PLCG1: variants seen among roughly 807,000 people sequenced by gnomAD.
The protein encoded by PLCG1 is 1-phosphatidylinositol 4,5-bisphosphate phosphodiesterase gamma-1.
Under a neutral mutation model 177.8 loss-of-function variants are expected in PLCG1, and 71 were observed. The observed-to-expected ratio is 0.40, with a 90% confidence interval of 0.33 to 0.49. The LOEUF (loss-of-function observed/expected upper bound fraction) is 0.49, where lower values mean the gene tolerates loss of function less well. Ranked by LOEUF, PLCG1 falls within the 20% of genes least tolerant of loss-of-function variation. The pLI is 0.72. For missense variants in PLCG1, 1,281 were observed against 1,709.0 expected (o/e 0.75, Z 4.42); for synonymous variants, 658 against 647.9 (o/e 1.02, Z -0.24).
intron 6 of PLCG1, 59 bp downstream of exon 6, chr20:41,162,784 A>G: frequency 6.8e-7 from 1 of 1,459,948 alleles, no homozygotes; most frequent in Non-Finnish European, 9.5e-7. Context: ...CCCACACCCC[A>G]GCTCTGCCTG....
rs990235154 is a variant in PLCG1 at position 41,151,334 on chromosome 20, C to G, written c.218-8272C>G. ...ACCATGACAAGACCCTTTGGACCCT[C>G]TGTTTCCTCATTGTTTCAAAGAGAT... On this transcript the variant is annotated intron_variant, in intron 1 of 31. Coordinates refer to ENST00000685551, the MANE Select transcript of PLCG1 (RefSeq NM_002660.3). The surrounding 1 kb of genome is among the most constrained non-coding windows in gnomAD (Gnocchi z 5.5). Among the ~76,000 whole-genome samples the G allele has an allele frequency of 6.6e-6, 1 of 152,194 alleles. No homozygotes were observed. Among genetic ancestry groups the G allele is most frequent in the Non-Finnish European group, 1.5e-5 (1 of 68,038 alleles).
In PLCG1 at chr20:41,167,464, G is replaced by A. The variant is rs891955536; in HGVS notation, c.2302-388G>A. Among the ~76,000 whole-genome samples the A allele has an allele frequency of 9.9e-5, 15 of 152,174 alleles. No homozygotes were observed. Among genetic ancestry groups the A allele is most frequent in the Non-Finnish European group, 1.3e-4 (9 of 68,026 alleles). ...CTCAAGTGATGGAGAGGAGCGGCAG[G>A]AGGAATGTGGGGAGTGGGAAGGCTT... is the stretch of plus-strand genomic sequence containing the variant. On this transcript the variant is annotated intron_variant, in intron 19 of 31. Transcript: ENST00000685551. The surrounding 1 kb of genome is among the most constrained non-coding windows in gnomAD (Gnocchi z 4.4).
At position 41,174,589 on chromosome 20, in the gene PLCG1, C is replaced by A. The variant is rs536267192; in HGVS notation, c.*80C>A. The stretch of plus-strand genomic sequence containing the variant: ...GCGAACTGGGTTCTTTGGAAGCAGC[C>A]CCCTGTGGCGGCCTTCCGGGTCTCG... On this transcript the variant is annotated 3_prime_UTR_variant, in exon 32 of 32. Transcript: ENST00000685551. This position sits in a 1 kb window ranked among gnomAD's most constrained non-coding sequence, Gnocchi z 5.8. 3.9e-5 allele frequency: 52 copies of A among 1,320,938 alleles called. No homozygotes were observed. In the African/African-American group the frequency reaches 7.3e-4, roughly 19 times the overall value. 81.8% of individuals were successfully genotyped at this position (1,320,938 alleles called of 1,614,324 possible).
rs753051723 is a variant in PLCG1 at position 41,162,650 on chromosome 20, G to A, written c.606G>A (p.Glu202=). Residue 202 remains glutamate (E), a synonymous_variant, in exon 6 of 32, where the codon GAG becomes GAA. Transcript: ENST00000685551. ...TGCTCTATACCATGCAGGACCTGGA[G>A]CAGCGCAGCGGGGACATCACCTACG... ...RFLRERLTDL[E]QRSGDITYGQ... 36 of 1,613,862 alleles carry A rather than the reference G, an allele frequency of 2.2e-5. No homozygotes were observed. The highest frequency in any genetic ancestry group is 3.0e-5 in the Non-Finnish European group (35 of 1,179,904).
At chr20:41,143,468 G>A (rs2034895812) in intron 1 of PLCG1, among the ~76,000 whole-genome samples, 1 of 152,214 alleles carries the variant, frequency 6.6e-6, no homozygotes, top group Non-Finnish European at 1.5e-5. Flanking sequence ...GGAGAGATGG[G>A]TGTGGGATAG....
chr20:41,170,694 G>C (rs1418521136), intron 24 of PLCG1: 1 of 167,994 alleles, frequency 6.0e-6, no homozygotes, highest in Non-Finnish European at 1.3e-5. Flanking sequence ...AGGCAGGTCA[G>C]ACAGACTGCA....
chr20:41,137,682 C>T lies in PLCG1; in HGVS notation c.41C>T (p.Pro14Leu), dbSNP rs767209449. The T allele has an allele frequency of 2.5e-4, 335 of 1,321,608 alleles. 2 individuals are homozygous for T. The highest frequency in any genetic ancestry group is 2.5e-3 in the Middle Eastern group (11 of 4,346). 81.9% of individuals were successfully genotyped at this position (1,321,608 alleles called of 1,614,324 possible). The change falls in exon 1 of 32, where the codon CCC (proline) becomes CTC (leucine). Residue 14 changes from proline (P) to leucine (L), a missense_variant. Coordinates refer to ENST00000685551, the MANE Select transcript of PLCG1 (RefSeq NM_002660.3). The surrounding 1 kb of genome is among the most constrained non-coding windows in gnomAD (Gnocchi z 7.3). The part of the protein sequence containing the change: ...AASPCANGCG[P>L]GAPSDAEVLH... ...TCCCCTTGCGCCAACGGCTGCGGGC[C>T]CGGCGCGCCCTCGGACGCCGAGGTG...
In PLCG1 at chr20:41,144,100, C is replaced by A. The variant is rs889163578; in HGVS notation, c.217+6242C>A. 6.6e-6 allele frequency among the ~76,000 whole-genome samples: 1 copy of A among 152,182 alleles called. No individual in the cohort carries two copies. Among genetic ancestry groups the A allele is most frequent in the South Asian group, 2.1e-4 (1 of 4,826 alleles). On this transcript the variant is annotated intron_variant, in intron 1 of 31. Transcript: ENST00000685551. This position sits in a 1 kb window ranked among gnomAD's most constrained non-coding sequence, Gnocchi z 4.1. ...GAATTGGAATAGCATATTGGGAGTTCATGGAACATTTTCTCACCTGTTGTA... is the reference window on the plus strand; with the variant it reads ...GAATTGGAATAGCATATTGGGAGTTAATGGAACATTTTCTCACCTGTTGTA...
chr20:41,172,862 T>C lies in PLCG1; in HGVS notation c.3264T>C (p.Cys1088=). ...DKSSLRGLEP[C]AISIEVLGAR... ...GCAGCCTCCGCGGGCTGGAGCCATG[T>C]GCCATCTCTATTGAGGTGGGTGCTG... Residue 1088 remains cysteine (C), a synonymous_variant, in exon 27 of 32, where the codon TGT becomes TGC. Transcript: ENST00000685551. The surrounding 1 kb of genome is among the most constrained non-coding windows in gnomAD (Gnocchi z 7.0). 6.2e-7 allele frequency: 1 copy of C among 1,614,036 alleles called. No individual in the cohort carries two copies. The highest frequency in any genetic ancestry group is 8.5e-7 in the Non-Finnish European group (1 of 1,179,986).
In PLCG1 at chr20:41,170,157, T is replaced by A; in HGVS notation, c.2696T>A (p.Ile899Asn). ...AACAACCGGCTCTTCGTCTTCTCCA[T>A]CAGCATGGCGTCGGTGGCCCACTGG... ...GKNNRLFVFS[I>N]SMASVAHWSL... The change falls in exon 24 of 32, where the codon ATC (isoleucine) becomes AAC (asparagine). Residue 899 changes from isoleucine (I) to asparagine (N), a missense_variant. Coordinates refer to ENST00000685551, the MANE Select transcript of PLCG1 (RefSeq NM_002660.3). The A allele has an allele frequency of 6.2e-7, 1 of 1,614,052 alleles. No homozygotes were observed.
At chr20:41,143,187 G>A (rs1428140976) in intron 1 of PLCG1, among the ~76,000 whole-genome samples, 2 of 152,216 alleles carry the variant, frequency 1.3e-5, no homozygotes, top group Non-Finnish European at 2.9e-5. Context: ...TCTTGTCTTT[G>A]AGGAAGTGCT....
At chr20:41,161,190 C>T (rs369689047) in intron 4 of PLCG1, among the ~76,000 whole-genome samples, 3 of 152,002 alleles carry the variant, frequency 2.0e-5, no homozygotes, top group African/African-American at 4.8e-5. Context: ...ACAACTAGTG[C>T]GGTAAGAGGA....
In PLCG1 at chr20:41,167,990, A is replaced by T; in HGVS notation, c.2379+61A>T. The T allele has an allele frequency of 8.8e-7, 1 of 1,135,492 alleles. No individual in the cohort carries two copies. The highest frequency in any genetic ancestry group is 1.3e-6 in the Non-Finnish European group (1 of 748,178). The allele number at this position is 1,135,492 out of a possible 1,614,324, so 70.3% of individuals were successfully genotyped here. ...AGGGTCCCCAGCTGCTTGGGGCTTC[A>T]TTTCTGTGTTCTGGGCCATCTGTGG... On this transcript the variant is annotated intron_variant, in intron 20 of 31. Transcript: ENST00000685551. This position sits in a 1 kb window ranked among gnomAD's most constrained non-coding sequence, Gnocchi z 4.4.
In PLCG1 at chr20:41,172,366, C is replaced by T. The variant is rs2035929763; in HGVS notation, c.2906-55C>T. The T allele has an allele frequency of 1.9e-6, 3 of 1,580,192 alleles. No homozygotes were observed. Among genetic ancestry groups the T allele is most frequent in the Non-Finnish European group, 2.6e-6 (3 of 1,149,044 alleles). On this transcript the variant is annotated intron_variant, in intron 25 of 31. Coordinates refer to ENST00000685551, the MANE Select transcript of PLCG1 (RefSeq NM_002660.3). This position sits in a 1 kb window ranked among gnomAD's most constrained non-coding sequence, Gnocchi z 7.0. ...GTGCAAAAAGAGTATTTAGGTATCC[C>T]CCCAACACTTCCTGGGTGGGCGGGC...
chr20:41,163,217 C>T lies in PLCG1; in HGVS notation c.731C>T (p.Pro244Leu), dbSNP rs199669312. The T allele has an allele frequency of 4.3e-5, 66 of 1,545,508 alleles. No homozygotes were observed. The highest frequency in any genetic ancestry group is 3.9e-5 in the Non-Finnish European group (45 of 1,148,102). ...EASTLRAGERPELCRVSLPEF... is the reference protein window; with the variant it reads ...EASTLRAGERLELCRVSLPEF... ...TCTCCCTGCAGGGCTGGGGAGCGGC[C>T]GGAGCTTTGCCGAGTGTCCCTTCCT... The change falls in exon 8 of 32, where the codon CCG becomes CTG. Residue 244 changes from proline (P) to leucine (L), a missense_variant. Physicochemically the swap from Pro to Leu is moderately conservative, Grantham distance 98 (BLOSUM62 -3). Coordinates refer to ENST00000685551, the MANE Select transcript of PLCG1 (RefSeq NM_002660.3). The surrounding 1 kb of genome is among the most constrained non-coding windows in gnomAD (Gnocchi z 5.2).
At chr20:41,170,820 CTT>C (rs2035874427) in intron 24 of PLCG1, 2 of 152,972 alleles carry the variant, frequency 1.3e-5, no homozygotes, top group Admixed American at 6.5e-5. Context: ...CCTTGTGAGA[CTT>C]TTGAGCTGCA....
Position 41,164,835 on chromosome 20 carries a change from C to T in PLCG1, c.1218-98C>T. 1 of 1,197,796 alleles carries T rather than the reference C, an allele frequency of 8.3e-7. No individual in the cohort carries two copies. The highest frequency in any genetic ancestry group is 1.2e-6 in the Non-Finnish European group (1 of 845,492). The allele number at this position is 1,197,796 out of a possible 1,614,324, so 74.2% of individuals were successfully genotyped here. On this transcript the variant is annotated intron_variant, in intron 12 of 31. Coordinates refer to ENST00000685551, the MANE Select transcript of PLCG1 (RefSeq NM_002660.3). This position sits in a 1 kb window ranked among gnomAD's most constrained non-coding sequence, Gnocchi z 6.4. The stretch of plus-strand genomic sequence containing the variant: ...TGGGATAGTTTTTACAGACAAGAAG[C>T]CCCCAGGCCCTTGGCTTCCAACAGC...
intron 1 of PLCG1, among the ~76,000 whole-genome samples, chr20:41,138,749 T>A (rs893734471): frequency 6.6e-6 from 1 of 152,186 alleles, no homozygotes; most frequent in African/African-American, 2.4e-5. Flanking sequence ...CTTTTCGCCT[T>A]CCCAGGCCTG....
At chr20:41,170,576 G>T in intron 24 of PLCG1, 1 of 306,532 alleles carries the variant, frequency 3.3e-6, no homozygotes, top group Non-Finnish European at 6.1e-6. Flanking sequence ...GGAGTGGAGT[G>T]GGGGCTGAGG....
Sources: allele counts gnomAD v4.1 joint callset (sites outside exome capture counted in the v4.1 genomes callset), GRCh38; gene constraint gnomAD v4.1.1; non-coding constraint Gnocchi (gnomAD v3.1); transcripts MANE v1.5; gene names NCBI Gene and HGNC (gene_info 2026-07-23, HGNC 2026-07-21).